The following IKZF2 variants were observed in gnomAD, a reference collection of about 807,000 sequenced individuals.
The protein encoded by IKZF2 is zinc finger protein Helios.
A neutral mutation model predicts 49.2 loss-of-function variants in IKZF2; 15 were observed. The ratio of observed to expected loss-of-function variants is 0.30; its 90% confidence interval spans 0.20 to 0.47. The LOEUF (loss-of-function observed/expected upper bound fraction) is 0.47. IKZF2 is among the 20% of genes least tolerant of loss of function. The pLI is 1.00. For missense variants in IKZF2, 567 were observed against 664.6 expected, an observed-to-expected ratio of 0.85 and a Z score of 1.61; for synonymous variants, 227 against 221.4, an observed-to-expected ratio of 1.03 and a Z score of -0.23.
At chr2:213,134,837 G>A (rs145142220) in intron 4 of IKZF2, among the ~76,000 whole-genome samples, 227 of 152,286 alleles carry the variant, frequency 1.5e-3, no homozygotes, top group African/African-American at 5.2e-3. Flanking sequence ...AGAAAAAGGG[G>A]AGGAAAAGAC....
intron 6 of IKZF2, among the ~76,000 whole-genome samples, chr2:213,045,986 A>C (rs953627758): frequency 9.2e-5 from 14 of 152,182 alleles, no homozygotes; most frequent in African/African-American, 3.1e-4. Context: ...GATTTTTGGA[A>C]ATGTCTGTGG....
At chr2:213,139,891 G>GT (rs1338531076) in intron 4 of IKZF2, among the ~76,000 whole-genome samples, 5 of 151,910 alleles carry the variant, frequency 3.3e-5, no homozygotes, top group Admixed American at 1.3e-4. Context: ...TATAATGGAT[G>GT]TAAGTCACAG....
In IKZF2 at chr2:213,001,442, T is replaced by C. The variant is rs1467785428; in HGVS notation, c.*5918A>G. 6.6e-6 allele frequency: 1 copy of C among 151,806 alleles called. No homozygotes were observed. The highest frequency in any genetic ancestry group is 1.5e-5 in the Non-Finnish European group (1 of 67,544). The allele number at this position is 151,806 out of a possible 1,614,324, so 9.4% of individuals were successfully genotyped here. A position where few individuals can be genotyped will look rare whatever the true frequency, so the allele number is the denominator to read the frequency against. On this transcript the variant is annotated 3_prime_UTR_variant, in exon 9 of 9. Coordinates refer to ENST00000434687, the MANE Select transcript of IKZF2 (RefSeq NM_001387220.1). ...ACAATAAAGGAAAGCAAACATACTATAATAGGATTACATAATCTCTGAAGT... is the reference window on the plus strand; with the variant it reads ...ACAATAAAGGAAAGCAAACATACTACAATAGGATTACATAATCTCTGAAGT...
At position 213,103,438 on chromosome 2, in the gene IKZF2, G is replaced by A. The variant is rs534548078; in HGVS notation, c.139+44270C>T. Among the ~76,000 whole-genome samples the A allele has an allele frequency of 1.9e-4, 29 of 152,194 alleles. 1 individual carries two copies. Among genetic ancestry groups the A allele is most frequent in the African/African-American group, 6.7e-4 (28 of 41,548 alleles). ...GATTTATCAAATCAACAGACTGAACGAAAAGAAAGGCTTAATAAAAGTTTA... is the reference window on the plus strand; with the variant it reads ...GATTTATCAAATCAACAGACTGAACAAAAAGAAAGGCTTAATAAAAGTTTA... On this transcript the variant is annotated intron_variant, in intron 4 of 8. Coordinates refer to ENST00000434687, the MANE Select transcript of IKZF2 (RefSeq NM_001387220.1).
chr2:213,150,465 C>A, intron 1 of IKZF2: 1 of 246,684 alleles, frequency 4.1e-6, no homozygotes, highest in South Asian at 4.6e-5. Context: ...CCCTCCTCCT[C>A]CTCCTCCTCC....
chr2:213,023,916 T>C (rs950585418), intron 6 of IKZF2, among the ~76,000 whole-genome samples: 12 of 152,298 alleles, frequency 7.9e-5, no homozygotes, highest in African/African-American at 2.4e-4. Context: ...TAAGCAATCA[T>C]TATACCTTCT....
At chr2:213,064,094 A>T (rs543003378) in intron 4 of IKZF2, among the ~76,000 whole-genome samples, 181 of 152,068 alleles carry the variant, frequency 1.2e-3, no homozygotes, top group Non-Finnish European at 2.0e-3. Flanking sequence ...TTGCTGAAGA[A>T]TCTGTCAATA....
At chr2:213,059,333 A>G (rs1701465610) in intron 4 of IKZF2, among the ~76,000 whole-genome samples, 1 of 151,680 alleles carries the variant, frequency 6.6e-6, no homozygotes, top group Non-Finnish European at 1.5e-5. Flanking sequence ...TTTTTGGCAT[A>G]TATGCTAATT....
intron 6 of IKZF2, among the ~76,000 whole-genome samples, chr2:213,046,953 T>C (rs990321775): frequency 1.3e-5 from 2 of 152,070 alleles, no homozygotes; most frequent in Admixed American, 6.6e-5. Context: ...ATGACTGATT[T>C]AACTACCACC....
intron 4 of IKZF2, among the ~76,000 whole-genome samples, chr2:213,097,622 A>G (rs544718268): frequency 6.6e-6 from 1 of 151,912 alleles, no homozygotes; most frequent in South Asian, 2.1e-4. Context: ...AACTTAATTA[A>G]TAACTCTTTA....
At position 213,150,284 on chromosome 2, in the gene IKZF2, T is replaced by C. The variant is rs939791332; in HGVS notation, c.-119-37A>G. The C allele has an allele frequency of 4.9e-6, 4 of 814,908 alleles. No individual in the cohort carries two copies. The African/African-American group carries it at 7.2e-5, about 15-fold the overall frequency. The allele number at this position is 814,908 out of a possible 1,614,324, so 50.5% of individuals were successfully genotyped here. Reference sequence around the variant, plus strand: ...CGGAGGGAGAAAGAAAGAAGTTTTTTGTGTTTCCCCCTTCTCTCTTTCCCT... The same window carrying C: ...CGGAGGGAGAAAGAAAGAAGTTTTTCGTGTTTCCCCCTTCTCTCTTTCCCT... On this transcript the variant is annotated intron_variant, in intron 1 of 8. Coordinates refer to ENST00000434687, the MANE Select transcript of IKZF2 (RefSeq NM_001387220.1).
intron 7 of IKZF2, 24 bp from the exon 8 acceptor site, chr2:213,013,958 C>G (rs780933314): frequency 3.7e-6 from 6 of 1,604,700 alleles, no homozygotes; most frequent in Non-Finnish European, 5.1e-6. Flanking sequence ...TAGAAAAATG[C>G]AATCTGATAA....
chr2:213,063,246 A>G (rs1701867787), intron 4 of IKZF2, among the ~76,000 whole-genome samples: 1 of 151,886 alleles, frequency 6.6e-6, no homozygotes, highest in African/African-American at 2.4e-5. Context: ...TCTCTGTTCA[A>G]TATAGCTATA....
intron 4 of IKZF2, among the ~76,000 whole-genome samples, chr2:213,109,406 T>C (rs1427977143): frequency 2.0e-5 from 3 of 152,112 alleles, no homozygotes; most frequent in Non-Finnish European, 1.5e-5. Flanking sequence ...GAATAATAGA[T>C]GCTTGCATTG....
intron 3 of IKZF2, 78 bp from the exon 4 acceptor site, chr2:213,147,890 G>A (rs1484771613): frequency 2.9e-5 from 27 of 945,020 alleles, no homozygotes; most frequent in South Asian, 1.3e-4. Context: ...CTTTATACAC[G>A]CAATGGCATG....
chr2:213,095,042 G>A (rs574544746), intron 4 of IKZF2, among the ~76,000 whole-genome samples: 2 of 152,196 alleles, frequency 1.3e-5, no homozygotes, highest in Non-Finnish European at 2.9e-5. Context: ...ATTCATAGTT[G>A]TTCATAAACA....
intron 6 of IKZF2, among the ~76,000 whole-genome samples, chr2:213,048,187 C>T (rs1448427030): frequency 2.6e-5 from 4 of 152,014 alleles, no homozygotes. Flanking sequence ...TTGAATATAT[C>T]TATTTATATA....
At chr2:213,090,235 G>A (rs1167263349) in intron 4 of IKZF2, among the ~76,000 whole-genome samples, 2 of 152,194 alleles carry the variant, frequency 1.3e-5, no homozygotes, top group African/African-American at 4.8e-5. Flanking sequence ...ACATGGTGAA[G>A]AAGGTGAATT....
chr2:213,034,872 A>G (rs914256374), intron 6 of IKZF2, among the ~76,000 whole-genome samples: 5 of 152,228 alleles, frequency 3.3e-5, no homozygotes, highest in Admixed American at 3.3e-4. Flanking sequence ...TGTGAAGTGC[A>G]ATAAAGTAAG....
Sources: gnomAD v4.1 joint callset for allele counts (sites outside exome capture counted in the v4.1 genomes callset) on GRCh38, gnomAD v4.1.1 for gene constraint, MANE v1.5 for transcripts, NCBI Gene and HGNC (gene_info 2026-07-23, HGNC 2026-07-21) for gene names.